Variants in RNF217 observed in about 807,000 individuals in gnomAD.
The protein encoded by RNF217 is ring finger protein 217, also known as E3 ubiquitin-protein ligase RNF217.
Under a neutral mutation model 57.8 loss-of-function variants are expected in RNF217, and 31 were observed. That is an observed-to-expected ratio of 0.54 (90% confidence interval 0.40 to 0.72). RNF217 has a LOEUF of 0.72. Ranked by LOEUF, RNF217 falls within the 30% of genes least tolerant of loss-of-function variation. RNF217 has a pLI of 0.00. For synonymous variants in RNF217, 313 were observed against 294.0 expected, an observed-to-expected ratio of 1.06 and a Z score of -0.66; for missense variants, 696 against 708.3, an observed-to-expected ratio of 0.98 and a Z score of 0.20.
rs116620995 is a variant in RNF217 at position 125,026,620 on chromosome 6, A to G, written c.883-18591A>G. Among the ~76,000 whole-genome samples, 538 of 152,320 alleles carry G rather than the reference A, an allele frequency of 3.5e-3. 3 individuals are homozygous for G. The highest frequency in any genetic ancestry group is 0.012 in the African/African-American group (510 of 41,570). On this transcript the variant is annotated intron_variant, in intron 1 of 5. Coordinates refer to ENST00000521654, the MANE Select transcript of RNF217 (RefSeq NM_001286398.3). ...TCCTGTTTTGGGGAAGATAACTTTGAAACAAGTATTTAAAACATTTCTCTG... is the reference window on the plus strand; with the variant it reads ...TCCTGTTTTGGGGAAGATAACTTTGGAACAAGTATTTAAAACATTTCTCTG...
At chr6:124,966,617 A>G (rs2114977238) in intron 1 of RNF217, among the ~76,000 whole-genome samples, 1 of 152,376 alleles carries the variant, frequency 6.6e-6, no homozygotes, top group African/African-American at 2.4e-5. Context: ...TTAAGAAAAT[A>G]AAAGAGTCCC....
chr6:125,027,926 T>A (rs974320136), intron 1 of RNF217, among the ~76,000 whole-genome samples: 5 of 152,202 alleles, frequency 3.3e-5, no homozygotes, highest in Admixed American at 1.3e-4. Flanking sequence ...TCTTTTCATA[T>A]GCCTGTTCAC....
At chr6:125,044,884 G>A (rs1787035780) in intron 1 of RNF217, among the ~76,000 whole-genome samples, 1 of 152,050 alleles carries the variant, frequency 6.6e-6, no homozygotes, top group Non-Finnish European at 1.5e-5. Context: ...TCATCTGAAT[G>A]CTGTCTAACC....
chr6:125,036,550 C>T (rs1215799446), intron 1 of RNF217, among the ~76,000 whole-genome samples: 1 of 152,114 alleles, frequency 6.6e-6, no homozygotes, highest in Non-Finnish European at 1.5e-5. Flanking sequence ...AGAGCTTCTG[C>T]ACAGCAAAAG....
chr6:125,038,197 C>T (rs2114502782), intron 1 of RNF217, among the ~76,000 whole-genome samples: 1 of 152,178 alleles, frequency 6.6e-6, no homozygotes, highest in African/African-American at 2.4e-5. Context: ...TTCAGAAAAA[C>T]TGAACAGCAT....
At chr6:125,044,089 G>T (rs1786994156) in intron 1 of RNF217, among the ~76,000 whole-genome samples, 1 of 151,472 alleles carries the variant, frequency 6.6e-6, no homozygotes, top group Admixed American at 6.6e-5. Context: ...TTGTAGTGAT[G>T]TTTTTCTTTC....
chr6:125,081,990 G>A (rs1732005521), intron 5 of RNF217, among the ~76,000 whole-genome samples: 1 of 152,038 alleles, frequency 6.6e-6, no homozygotes, highest in Non-Finnish European at 1.5e-5. Flanking sequence ...ACCTTGCAGT[G>A]ATTTGCATAG....
intron 1 of RNF217, among the ~76,000 whole-genome samples, chr6:125,005,443 C>G (rs1785145250): frequency 1.3e-5 from 2 of 152,130 alleles, no homozygotes; most frequent in Non-Finnish European, 2.9e-5. Flanking sequence ...GATGAGAAAG[C>G]AGAAAGACAT....
At chr6:124,996,180 T>C (rs1447209975) in intron 1 of RNF217, among the ~76,000 whole-genome samples, 2 of 152,186 alleles carry the variant, frequency 1.3e-5, no homozygotes, top group Non-Finnish European at 2.9e-5. Context: ...TCAACAGTAC[T>C]TCATCGTATA....
chr6:125,048,082 A>G (rs1490050317), intron 2 of RNF217: 1 of 644,698 alleles, frequency 1.6e-6, no homozygotes, highest in Admixed American at 3.4e-5. Context: ...ATTTTTCATC[A>G]TTAAACTCTG....
At chr6:124,984,572 AAAT>A (rs1784306479) in intron 1 of RNF217, among the ~76,000 whole-genome samples, 1 of 151,834 alleles carries the variant, frequency 6.6e-6, no homozygotes, top group Non-Finnish European at 1.5e-5. Context: ...GAAAGAAAGA[AAAT>A]AGAGTGGAGG....
At chr6:124,968,498 G>A in intron 1 of RNF217, among the ~76,000 whole-genome samples, 1 of 150,996 alleles carries the variant, frequency 6.6e-6, no homozygotes, top group East Asian at 1.9e-4. Context: ...GATTTTAATT[G>A]GCATTTGATT....
At chr6:125,029,545 C>G (rs1362575840) in intron 1 of RNF217, among the ~76,000 whole-genome samples, 4 of 152,112 alleles carry the variant, frequency 2.6e-5, no homozygotes, top group African/African-American at 9.7e-5. Context: ...TGAAAAGGCT[C>G]CGTTGAAGTT....
chr6:125,018,496 C>T (rs1785696146), intron 1 of RNF217, among the ~76,000 whole-genome samples: 1 of 151,894 alleles, frequency 6.6e-6, no homozygotes. Context: ...AACACATTAG[C>T]ATTTATAAAA....
At chr6:124,988,101 G>A (rs1262559939) in intron 1 of RNF217, among the ~76,000 whole-genome samples, 1 of 152,102 alleles carries the variant, frequency 6.6e-6, no homozygotes, top group Non-Finnish European at 1.5e-5. Flanking sequence ...GATTCTCATG[G>A]GAGTGTTAAC....
intron 1 of RNF217, among the ~76,000 whole-genome samples, chr6:124,974,730 T>C (rs1473484246): frequency 6.6e-6 from 1 of 152,224 alleles, no homozygotes; most frequent in Non-Finnish European, 1.5e-5. Context: ...GAAATAGTGT[T>C]GTATCTAATG....
At chr6:124,983,284 T>C (rs2115020138) in intron 1 of RNF217, 1 of 787,748 alleles carries the variant, frequency 1.3e-6, no homozygotes, top group Non-Finnish European at 1.5e-6. Context: ...TGTCTTGTGA[T>C]GTAGAGACAA....
At chr6:125,020,809 C>A (rs148986134) in intron 1 of RNF217, among the ~76,000 whole-genome samples, 3 of 152,122 alleles carry the variant, frequency 2.0e-5, no homozygotes, top group Non-Finnish European at 4.4e-5. Context: ...CAAATAAATA[C>A]TCTAACATAT....
Position 125,045,387 on chromosome 6 carries a change from A to G in RNF217, c.1059A>G (p.Thr353=), listed in dbSNP as rs1170776156. 1 of 1,613,270 alleles carries G rather than the reference A, an allele frequency of 6.2e-7. No individual in the cohort carries two copies. The highest frequency in any genetic ancestry group is 1.3e-5 in the African/African-American group (1 of 74,880). The change falls in exon 2 of 6, where the codon ACA becomes ACG. Residue 353 remains threonine (T), a synonymous_variant. Coordinates refer to ENST00000521654, the MANE Select transcript of RNF217 (RefSeq NM_001286398.3). ...CATGTCCTCAGTGCAAGCACTTTACAACCTTCAAGAAAAAAGGACATATTC... is the reference window on the plus strand; with the variant it reads ...CATGTCCTCAGTGCAAGCACTTTACGACCTTCAAGAAAAAAGGACATATTC... ...TKPCPQCKHF[T]TFKKKGHIPT...
Sources: allele counts gnomAD v4.1 joint callset (sites outside exome capture counted in the v4.1 genomes callset), GRCh38; gene constraint gnomAD v4.1.1; transcripts MANE v1.5; gene names NCBI Gene and HGNC (gene_info 2026-07-23, HGNC 2026-07-21).